The following GRID2 variants were observed in gnomAD, a reference collection of about 807,000 sequenced individuals.
GRID2 encodes the protein glutamate receptor ionotropic, delta-2.
Under a neutral mutation model 114.8 loss-of-function variants are expected in GRID2, and 33 were observed. That is an observed-to-expected ratio of 0.29 (90% CI 0.22 to 0.38). The LOEUF (loss-of-function observed/expected upper bound fraction) is 0.38. GRID2 is among the 10% of genes least tolerant of loss of function. GRID2 has a pLI of 1.00. For synonymous variants in GRID2, 505 were observed against 449.9 expected (o/e 1.12, Z -1.55); for missense variants, 1,184 against 1,257.7 (o/e 0.94, Z 0.89).
At position 93,596,023 on chromosome 4, in the gene GRID2, AT is replaced by A. The variant is rs200280923; in HGVS notation, c.2194-30243del. On this transcript the variant is annotated intron_variant, in intron 13 of 15. Coordinates refer to ENST00000282020, the MANE Select transcript of GRID2 (RefSeq NM_001510.4). ...GAGGTCCCGAGTAGTTAAGTAAATT[AT>A]TTGTTTATTCTACATCTGTGTGGCA... Among the ~76,000 whole-genome samples, 345 of 152,264 alleles carry A rather than the reference AT, an allele frequency of 2.3e-3. 2 individuals carry two copies. The highest frequency in any genetic ancestry group is 0.022 in the East Asian group (116 of 5,170).
At chr4:92,577,612 A>G (rs1727958351) in intron 1 of GRID2, among the ~76,000 whole-genome samples, 1 of 152,196 alleles carries the variant, frequency 6.6e-6, no homozygotes, top group Non-Finnish European at 1.5e-5. Flanking sequence ...GGAGCTAAGC[A>G]ATGTTAGCTG....
intron 8 of GRID2, among the ~76,000 whole-genome samples, chr4:93,279,729 G>C (rs1177004077): frequency 2.0e-5 from 3 of 151,832 alleles, no homozygotes; most frequent in African/African-American, 7.3e-5. Context: ...AATGAACAGA[G>C]TTATTATGGG....
At chr4:92,803,523 A>G (rs1401897572) in intron 2 of GRID2, among the ~76,000 whole-genome samples, 1 of 152,024 alleles carries the variant, frequency 6.6e-6, no homozygotes, top group Admixed American at 6.6e-5. Flanking sequence ...ATATGTCATT[A>G]TAAAAAAATG....
chr4:93,445,080 TATC>T (rs943390550), intron 10 of GRID2, among the ~76,000 whole-genome samples: 2 of 151,790 alleles, frequency 1.3e-5, no homozygotes, highest in Non-Finnish European at 2.9e-5. Flanking sequence ...TAAGCAGAAA[TATC>T]ATGTGATGCC....
intron 4 of GRID2, among the ~76,000 whole-genome samples, chr4:93,192,150 C>T (rs1005059482): frequency 1.3e-5 from 2 of 152,110 alleles, no homozygotes; most frequent in African/African-American, 4.8e-5. Context: ...TAGAGAGGAA[C>T]TGAATCCATA....
chr4:92,774,028 A>G (rs994367613), intron 2 of GRID2, among the ~76,000 whole-genome samples: 1 of 152,188 alleles, frequency 6.6e-6, no homozygotes, highest in Non-Finnish European at 1.5e-5. Flanking sequence ...ATGGGGAGAT[A>G]TAATAAAAGT....
At chr4:93,801,357 T>G (rs77639498) in intron 1 of GRID2, among the ~76,000 whole-genome samples, 1 of 152,112 alleles carries the variant, frequency 6.6e-6, no homozygotes, top group Non-Finnish European at 1.5e-5. Flanking sequence ...AGTTTGTGTA[T>G]GTGTAAACAA....
Position 93,135,732 on chromosome 4 carries a change from A to G in GRID2, c.735+24779A>G, listed in dbSNP as rs570031197. Among the ~76,000 whole-genome samples, 4 of 152,308 alleles carry G rather than the reference A, an allele frequency of 2.6e-5. No individual in the cohort carries two copies. In the East Asian group the frequency reaches 7.7e-4, roughly 29 times the overall value. On this transcript the variant is annotated intron_variant, in intron 4 of 15. Coordinates refer to ENST00000282020, the MANE Select transcript of GRID2 (RefSeq NM_001510.4). Reference sequence around the variant, plus strand: ...CCTAGTCCTATTTTTGTACAGTGGCATCAGGAAAATATTTTGTTTTGTTTT... The same window carrying G: ...CCTAGTCCTATTTTTGTACAGTGGCGTCAGGAAAATATTTTGTTTTGTTTT...
At chr4:92,831,916 G>A (rs1006490380) in intron 2 of GRID2, among the ~76,000 whole-genome samples, 1 of 151,856 alleles carries the variant, frequency 6.6e-6, no homozygotes, top group Non-Finnish European at 1.5e-5. Context: ...AAATAAGAAA[G>A]TAAATAGAAC....
chr4:92,685,525 T>G (rs908100747), intron 2 of GRID2, among the ~76,000 whole-genome samples: 15 of 152,210 alleles, frequency 9.9e-5, no homozygotes, highest in Non-Finnish European at 1.5e-4. Context: ...TTAGAAAACT[T>G]AATCTCATAT....
At chr4:92,869,838 C>A (rs751551748) in intron 2 of GRID2, among the ~76,000 whole-genome samples, 1 of 152,100 alleles carries the variant, frequency 6.6e-6, no homozygotes, top group Non-Finnish European at 1.5e-5. Flanking sequence ...TTCAAAGAAG[C>A]CTTCCAGACC....
intron 2 of GRID2, among the ~76,000 whole-genome samples, chr4:92,657,683 C>A (rs1011699001): frequency 6.6e-6 from 1 of 151,594 alleles, no homozygotes; most frequent in Admixed American, 6.6e-5. Flanking sequence ...AATAAATGCT[C>A]TATTTGTTTT....
intron 14 of GRID2, among the ~76,000 whole-genome samples, chr4:93,681,038 C>G (rs1198785892): frequency 6.6e-6 from 1 of 151,458 alleles, no homozygotes; most frequent in Non-Finnish European, 1.5e-5. Flanking sequence ...ACCCCATTGT[C>G]TCAGCCCAAA....
At chr4:93,634,138 C>T (rs1210095637) in intron 14 of GRID2, among the ~76,000 whole-genome samples, 1 of 152,064 alleles carries the variant, frequency 6.6e-6, no homozygotes, top group Non-Finnish European at 1.5e-5. Flanking sequence ...TCAAAGTATA[C>T]ATTAAACTAT....
At chr4:92,533,107 T>C (rs1725428707) in intron 1 of GRID2, among the ~76,000 whole-genome samples, 1 of 152,006 alleles carries the variant, frequency 6.6e-6, no homozygotes, top group African/African-American at 2.4e-5. Context: ...TTATTCTCCC[T>C]TTCTGTTCAG....
intron 4 of GRID2, among the ~76,000 whole-genome samples, chr4:93,113,803 G>A (rs1265787472): frequency 6.6e-6 from 1 of 152,290 alleles, no homozygotes; most frequent in Non-Finnish European, 1.5e-5. Flanking sequence ...TGCTTCTTGA[G>A]TTGAGCGTTA....
chr4:93,206,967 C>A lies in GRID2; in HGVS notation c.736-437C>A, dbSNP rs76737635. 8.7e-3 allele frequency among the ~76,000 whole-genome samples: 1,324 copies of A among 152,066 alleles called. 18 individuals carry two copies. Among genetic ancestry groups the A allele is most frequent in the African/African-American group, 0.03 (1,259 of 41,498 alleles). ...AAGCATATACACAGAGAAGTAGCAGCAGATAAGAATATTAAGTTAGAGCCA... is the reference window on the plus strand; with the variant it reads ...AAGCATATACACAGAGAAGTAGCAGAAGATAAGAATATTAAGTTAGAGCCA... On this transcript the variant is annotated intron_variant, in intron 4 of 15. Coordinates refer to ENST00000282020, the MANE Select transcript of GRID2 (RefSeq NM_001510.4).
intron 3 of GRID2, among the ~76,000 whole-genome samples, chr4:93,106,212 A>G (rs892975590): frequency 2.0e-5 from 3 of 152,166 alleles, no homozygotes; most frequent in Non-Finnish European, 2.9e-5. Context: ...CAGGAACCAT[A>G]TATTCTTTAT....
At chr4:93,457,062 A>G (rs1416482917) in intron 11 of GRID2, among the ~76,000 whole-genome samples, 1 of 152,172 alleles carries the variant, frequency 6.6e-6, no homozygotes, top group Non-Finnish European at 1.5e-5. Flanking sequence ...TTCCTAAGCA[A>G]TTAGTGTATG....
Sources: gnomAD v4.1 joint callset for allele counts (sites outside exome capture counted in the v4.1 genomes callset) on GRCh38, gnomAD v4.1.1 for gene constraint, MANE v1.5 for transcripts, NCBI Gene and HGNC (gene_info 2026-07-23, HGNC 2026-07-21) for gene names.